The following CDX1 variants were observed in gnomAD, a reference collection of about 807,000 sequenced individuals.
CDX1 encodes homeobox protein CDX-1.
CDX1 carries 9 observed loss-of-function variants against 16.9 expected under a neutral mutation model. The ratio of observed to expected loss-of-function variants is 0.53; its 90% confidence interval spans 0.32 to 0.93. The LOEUF (loss-of-function observed/expected upper bound fraction) is 0.93, where lower values mean the gene tolerates loss of function less well. Among genes scored for constraint, CDX1 ranks in the 40% least tolerant of loss-of-function variants. The pLI, the probability that CDX1 is intolerant of heterozygous loss-of-function variation, is 0.04. For missense variants in CDX1, 393 were observed against 386.1 expected (o/e 1.02, Z -0.15); for synonymous variants, 179 against 179.0 (o/e 1.00, Z 0.00).
intron 1 of CDX1, among the ~76,000 whole-genome samples, chr5:150,169,341 G>A (rs1439015827): frequency 2.0e-5 from 3 of 151,952 alleles, no homozygotes; most frequent in African/African-American, 2.4e-5. Flanking sequence ...GTCTACCCCA[G>A]GCAAAAAAGC....
In CDX1 at chr5:150,182,830, GAGA is replaced by G; in HGVS notation, c.511_513del (p.Lys171del). 2 of 1,613,484 alleles carry G rather than the reference GAGA, an allele frequency of 1.2e-6. No individual in the cohort carries two copies. Among genetic ancestry groups the G allele is most frequent in the East Asian group, 2.2e-5 (1 of 44,790 alleles). ...CACCGACCACCAACGCCTGGAGCTG[GAGA>G]AGGAGTTTCATTACAGCCGTTACAT... On this transcript the variant is annotated inframe_deletion, in exon 2 of 3. Coordinates refer to ENST00000231656, the MANE Select transcript of CDX1 (RefSeq NM_001804.3).
chr5:150,167,599 C>T (rs1163171015), intron 1 of CDX1, among the ~76,000 whole-genome samples: 1 of 152,244 alleles, frequency 6.6e-6, no homozygotes, highest in Admixed American at 6.5e-5. Context: ...CGGAGCAAGA[C>T]CCGAACTAGA....
Position 150,167,008 on chromosome 5 carries a change from C to G in CDX1, c.132C>G (p.Asp44Glu). The G allele has an allele frequency of 6.9e-7, 1 of 1,441,482 alleles. No individual in the cohort carries two copies. The highest frequency in any genetic ancestry group is 3.1e-5 in the East Asian group (1 of 32,656). 89.3% of individuals were successfully genotyped at this position (1,441,482 alleles called of 1,614,324 possible). Residue 44 changes from aspartate to glutamate, a missense_variant, in exon 1 of 3, where the codon GAC becomes GAG. By Grantham distance (45) the Asp-to-Glu change is conservative (BLOSUM62 2). Coordinates refer to ENST00000231656, the MANE Select transcript of CDX1 (RefSeq NM_001804.3). The part of the protein sequence containing the change: ...APPPAPPQYP[D>E]FSSYSHVEPA... ...CCCCGGCGCCCCCGCAGTACCCCGA[C>G]TTCTCCAGCTACTCTCACGTGGAGC...
At chr5:150,173,489 C>G (rs540343468) in intron 1 of CDX1, among the ~76,000 whole-genome samples, 12 of 152,318 alleles carry the variant, frequency 7.9e-5, no homozygotes, top group Non-Finnish European at 1.6e-4. Context: ...TGGAGACCTC[C>G]CCCAGCTAAG....
chr5:150,182,955 GA>G (rs758141978), intron 2 of CDX1, 42 bp downstream of exon 2: 1 of 1,558,682 alleles, frequency 6.4e-7, no homozygotes, highest in South Asian at 1.2e-5. Context: ...GCAGTGCGAG[GA>G]CTCTGGTCTC....
chr5:150,168,236 T>G (rs1197071931), intron 1 of CDX1, among the ~76,000 whole-genome samples: 2 of 152,204 alleles, frequency 1.3e-5, no homozygotes, highest in Admixed American at 1.3e-4. Context: ...GCCCACCCTT[T>G]GATGTCCAGC....
At chr5:150,173,311 G>T (rs1322702256) in intron 1 of CDX1, among the ~76,000 whole-genome samples, 2 of 152,226 alleles carry the variant, frequency 1.3e-5, no homozygotes, top group Non-Finnish European at 2.9e-5. Flanking sequence ...GAACAAGGCA[G>T]ACGGGTCCAC....
chr5:150,183,891 G>A lies in CDX1; in HGVS notation c.*211G>A, dbSNP rs1247484552. The A allele has an allele frequency of 2.5e-6, 1 of 403,888 alleles. No homozygotes were observed. The highest frequency in any genetic ancestry group is 2.0e-5 in the African/African-American group (1 of 49,418). 25.0% of individuals were successfully genotyped at this position (403,888 alleles called of 1,614,324 possible). A position where few individuals can be genotyped will look rare whatever the true frequency, so the allele number is the denominator to read the frequency against. Reference sequence around the variant, plus strand: ...CCAGCTCCTGTGTTCTAGACCTCTGGGGGATAAGGGAGTCCAGGGTGGATG... The same window carrying A: ...CCAGCTCCTGTGTTCTAGACCTCTGAGGGATAAGGGAGTCCAGGGTGGATG... On this transcript the variant is annotated 3_prime_UTR_variant, in exon 3 of 3. Coordinates refer to ENST00000231656, the MANE Select transcript of CDX1 (RefSeq NM_001804.3).
At chr5:150,182,233 C>T (rs1030023768) in intron 1 of CDX1, among the ~76,000 whole-genome samples, 5 of 152,202 alleles carry the variant, frequency 3.3e-5, no homozygotes, top group Non-Finnish European at 7.3e-5. Context: ...CTTGCCTGCC[C>T]GATATCCCCT....
chr5:150,168,750 C>A (rs905933589), intron 1 of CDX1, among the ~76,000 whole-genome samples: 1 of 152,222 alleles, frequency 6.6e-6, no homozygotes, highest in Non-Finnish European at 1.5e-5. Context: ...CTCTACACAA[C>A]AGCTCCTCTT....
At chr5:150,171,273 C>T (rs975737361) in intron 1 of CDX1, among the ~76,000 whole-genome samples, 1 of 152,246 alleles carries the variant, frequency 6.6e-6, no homozygotes, top group Non-Finnish European at 1.5e-5. Flanking sequence ...AAGGCACATG[C>T]CCTGCTCAAG....
chr5:150,176,208 A>G (rs150703894), intron 1 of CDX1, among the ~76,000 whole-genome samples: 8 of 152,310 alleles, frequency 5.3e-5, no homozygotes, highest in Non-Finnish European at 1.2e-4. Context: ...CAGCGCTCCT[A>G]CAAGTATTAT....
At chr5:150,170,354 T>G (rs1435816661) in intron 1 of CDX1, among the ~76,000 whole-genome samples, 3 of 152,180 alleles carry the variant, frequency 2.0e-5, no homozygotes, top group Non-Finnish European at 4.4e-5. Context: ...TCCTTACACT[T>G]GTTTGTATGT....
chr5:150,172,108 G>A (rs144379613), intron 1 of CDX1, among the ~76,000 whole-genome samples: 25 of 152,216 alleles, frequency 1.6e-4, no homozygotes, highest in South Asian at 4.2e-4. Context: ...CTCCTTCTCC[G>A]AGGCTGTCTC....
At chr5:150,177,812 G>A (rs1206666287) in intron 1 of CDX1, among the ~76,000 whole-genome samples, 1 of 152,178 alleles carries the variant, frequency 6.6e-6, no homozygotes, top group Non-Finnish European at 1.5e-5. Context: ...AACCCCAGAG[G>A]TTTAGTTTTA....
Position 150,181,785 on chromosome 5 carries a change from C to T in CDX1, c.446-983C>T, listed in dbSNP as rs1437720191. On this transcript the variant is annotated intron_variant, in intron 1 of 2. Transcript: ENST00000231656. ...TATTTTTCTTTTCATCATCTCCCTC[C>T]CCTAGAAGCTAAGCATCACGAGGGC... Among the ~76,000 whole-genome samples the T allele has an allele frequency of 3.9e-5, 6 of 152,168 alleles. No individual in the cohort carries two copies. The East Asian group carries it at 5.8e-4, about 15-fold the overall frequency.
intron 1 of CDX1, 134 bp from the exon 2 acceptor site, chr5:150,182,634 T>C: frequency 1.3e-6 from 1 of 756,022 alleles, no homozygotes; most frequent in East Asian, 2.9e-5. Context: ...GAACCTGGAG[T>C]GTATGTCTCT....
intron 1 of CDX1, among the ~76,000 whole-genome samples, chr5:150,172,368 C>G (rs1761518784): frequency 1.3e-5 from 2 of 152,040 alleles, no homozygotes. Flanking sequence ...GTGCCAATAA[C>G]TTTGCATGGG....
At chr5:150,183,030 A>G in intron 2 of CDX1, 117 bp downstream of exon 2, 1 of 1,221,020 alleles carries the variant, frequency 8.2e-7, no homozygotes, top group South Asian at 1.5e-5. Flanking sequence ...TCTCCAGGCC[A>G]TTGTCACACA....
Sources: gnomAD v4.1 joint callset for allele counts (sites outside exome capture counted in the v4.1 genomes callset) on GRCh38, gnomAD v4.1.1 for gene constraint, MANE v1.5 for transcripts, NCBI Gene and HGNC (gene_info 2026-07-23, HGNC 2026-07-21) for gene names.